SGCD: variants seen among roughly 807,000 people sequenced by gnomAD.
SGCD encodes sarcoglycan delta.
Under a neutral mutation model 36.6 loss-of-function variants are expected in SGCD, and 18 were observed. The ratio of observed to expected loss-of-function variants is 0.49; its 90% CI spans 0.34 to 0.73. The LOEUF is 0.73. SGCD is among the 30% of genes least tolerant of loss of function. SGCD has a pLI of 0.01. For missense variants in SGCD, 387 were observed against 346.7 expected, an observed-to-expected ratio of 1.12 and a Z score of -0.92; for synonymous variants, 133 against 130.6, an observed-to-expected ratio of 1.02 and a Z score of -0.12.
intron 3 of SGCD, among the ~76,000 whole-genome samples, chr5:156,439,668 C>A (rs969343895): frequency 4.6e-5 from 7 of 150,682 alleles, no homozygotes. Context: ...GAAAACAGTT[C>A]TTATCCTTTG....
chr5:156,337,859 G>A (rs1165343962), intron 2 of SGCD, among the ~76,000 whole-genome samples: 3 of 152,080 alleles, frequency 2.0e-5, no homozygotes, highest in Non-Finnish European at 4.4e-5. Context: ...AAATAGATTG[G>A]GATTGGAATT....
intron 7 of SGCD, among the ~76,000 whole-genome samples, chr5:156,713,002 T>C (rs1481654642): frequency 6.6e-6 from 1 of 152,188 alleles, no homozygotes; most frequent in Non-Finnish European, 1.5e-5. Context: ...TGGTAGGGTC[T>C]GAATAAATAT....
intron 1 of SGCD, among the ~76,000 whole-genome samples, chr5:156,043,438 T>A (rs1052122779): frequency 6.6e-6 from 1 of 152,166 alleles, no homozygotes; most frequent in South Asian, 2.1e-4. Context: ...AGCAACTGTC[T>A]AATTTCTCAG....
At chr5:156,758,460 C>G (rs1757419934) in intron 8 of SGCD, among the ~76,000 whole-genome samples, 2 of 151,754 alleles carry the variant, frequency 1.3e-5, no homozygotes, top group South Asian at 4.1e-4. Flanking sequence ...TCTCTACCTG[C>G]TTCTATACAT....
chr5:156,190,838 G>A (rs1041065222), intron 3 of SGCD, among the ~76,000 whole-genome samples: 5 of 152,072 alleles, frequency 3.3e-5, no homozygotes, highest in East Asian at 1.9e-4. Context: ...AAAATTCATC[G>A]GGAGTAGTTA....
At chr5:156,339,341 A>T (rs2127712219) in intron 2 of SGCD, among the ~76,000 whole-genome samples, 1 of 152,348 alleles carries the variant, frequency 6.6e-6, no homozygotes, top group African/African-American at 2.4e-5. Context: ...TTTATGACGA[A>T]GTAATGCTTT....
At chr5:156,576,253 C>T (rs1321328960) in intron 4 of SGCD, among the ~76,000 whole-genome samples, 2 of 152,128 alleles carry the variant, frequency 1.3e-5, no homozygotes, top group Non-Finnish European at 2.9e-5. Context: ...AGGACGTGAA[C>T]TCATTCTTTT....
chr5:156,393,015 C>T (rs1473925055), intron 3 of SGCD, among the ~76,000 whole-genome samples: 1 of 152,176 alleles, frequency 6.6e-6, no homozygotes, highest in African/African-American at 2.4e-5. Flanking sequence ...TGCCTATCCT[C>T]ACCTAGGTCT....
intron 3 of SGCD, among the ~76,000 whole-genome samples, chr5:156,294,720 A>C (rs1297807681): frequency 5.3e-5 from 8 of 152,088 alleles, no homozygotes; most frequent in Non-Finnish European, 1.0e-4. Context: ...AATGCTTTTT[A>C]TGTATCAGTT....
At chr5:156,270,176 A>T (rs1230114516) in intron 3 of SGCD, among the ~76,000 whole-genome samples, 1 of 152,272 alleles carries the variant, frequency 6.6e-6, no homozygotes, top group East Asian at 1.9e-4. Flanking sequence ...TCAGATGGTC[A>T]TAGCTGTGTG....
chr5:156,076,842 A>T (rs1433360861), intron 1 of SGCD, among the ~76,000 whole-genome samples: 1 of 152,150 alleles, frequency 6.6e-6, no homozygotes, highest in Non-Finnish European at 1.5e-5. Context: ...ACACTTTTTG[A>T]TGTGAATCTG....
At chr5:156,747,733 G>GAA (rs1301833047) in intron 7 of SGCD, among the ~76,000 whole-genome samples, 1 of 152,066 alleles carries the variant, frequency 6.6e-6, no homozygotes, top group Non-Finnish European at 1.5e-5. Flanking sequence ...TACTTGTGTA[G>GAA]AAGGAAGTCA....
intron 1 of SGCD, among the ~76,000 whole-genome samples, chr5:155,942,273 T>C (rs1282079673): frequency 6.6e-6 from 1 of 151,632 alleles, no homozygotes; most frequent in Non-Finnish European, 1.5e-5. Flanking sequence ...TTATCTATCA[T>C]CTATGTATCT....
At chr5:156,728,942 T>A (rs934452175) in intron 7 of SGCD, among the ~76,000 whole-genome samples, 1 of 152,222 alleles carries the variant, frequency 6.6e-6, no homozygotes, top group African/African-American at 2.4e-5. Context: ...TTTGTTTACA[T>A]CTGTAATTAA....
intron 6 of SGCD, among the ~76,000 whole-genome samples, chr5:156,595,552 C>G (rs1207673620): frequency 1.3e-5 from 2 of 152,166 alleles, no homozygotes; most frequent in African/African-American, 2.4e-5. Flanking sequence ...TGAGTCTGGT[C>G]CCCTAGTGGA....
At chr5:155,953,370 G>T (rs1182337118) in intron 1 of SGCD, among the ~76,000 whole-genome samples, 1 of 151,966 alleles carries the variant, frequency 6.6e-6, no homozygotes, top group Non-Finnish European at 1.5e-5. Flanking sequence ...AAGTCTTACA[G>T]GAACATGATT....
At chr5:156,062,491 C>A (rs1307630188) in intron 1 of SGCD, among the ~76,000 whole-genome samples, 1 of 120,114 alleles carries the variant, frequency 8.3e-6, no homozygotes, top group Non-Finnish European at 1.7e-5. Flanking sequence ...AGTTCTAGAT[C>A]CCTCAGGAAT....
chr5:155,937,166 C>T (rs940332203), intron 1 of SGCD, among the ~76,000 whole-genome samples: 1 of 152,192 alleles, frequency 6.6e-6, no homozygotes, highest in Non-Finnish European at 1.5e-5. Context: ...CCCGGGTCTG[C>T]AGGCATGACT....
intron 4 of SGCD, among the ~76,000 whole-genome samples, chr5:156,574,684 G>A (rs1448269151): frequency 6.6e-6 from 1 of 152,072 alleles, no homozygotes; most frequent in Non-Finnish European, 1.5e-5. Context: ...AAATCAGTCA[G>A]CATTAGACTA....
Sources: gnomAD v4.1 joint callset for allele counts (sites outside exome capture counted in the v4.1 genomes callset) on GRCh38, gnomAD v4.1.1 for gene constraint, MANE v1.5 for transcripts, NCBI Gene and HGNC (gene_info 2026-07-23, HGNC 2026-07-21) for gene names.